SECISBP2: variants seen among roughly 807,000 people sequenced by gnomAD.
The protein encoded by SECISBP2 is selenocysteine insertion sequence-binding protein 2.
A neutral mutation model predicts 98.2 loss-of-function variants in SECISBP2; 96 were observed. That is an observed-to-expected ratio of 0.98 (90% CI 0.83 to 1.16). SECISBP2 has a LOEUF of 1.16. Among genes scored for constraint, SECISBP2 ranks in the 50% most tolerant of loss-of-function variants. The pLI is 0.00. For missense variants in SECISBP2, 1,046 were observed against 1,022.9 expected, an observed-to-expected ratio of 1.02 and a Z score of -0.31; for synonymous variants, 407 against 370.2, an observed-to-expected ratio of 1.10 and a Z score of -1.14.
chr9:89,354,957 C>G, intron 14 of SECISBP2: 1 of 985,432 alleles, frequency 1.0e-6, no homozygotes, highest in Non-Finnish European at 1.2e-6. Flanking sequence ...CCTATCTCCC[C>G]TTTTCCCAGC....
rs565127144 is a variant in SECISBP2, at chr9:89,320,229, A to C, written c.182+432A>C. Among the ~76,000 whole-genome samples, 10 of 151,976 alleles carry C rather than the reference A, an allele frequency of 6.6e-5. No individual in the cohort carries two copies. In the South Asian group the frequency reaches 2.1e-3, roughly 32 times the overall value. On this transcript the variant is annotated intron_variant, in intron 2 of 16. Transcript: ENST00000375807. ...AAATTAATCAGGTATGGTGGCGGACACCTGTAATCCCAGGTATTCGGGAGA... is the reference window on the plus strand; with the variant it reads ...AAATTAATCAGGTATGGTGGCGGACCCCTGTAATCCCAGGTATTCGGGAGA...
At chr9:89,358,288 G>A (rs1832410715) in intron 16 of SECISBP2, 97 bp downstream of exon 16, 6 of 1,251,430 alleles carry the variant, frequency 4.8e-6, no homozygotes, top group Non-Finnish European at 6.9e-6. Flanking sequence ...AATGCTGCAA[G>A]ACCAGCTGAG....
intron 1 of SECISBP2, 89 bp downstream of exon 1, chr9:89,318,701 C>T (rs1825132153): frequency 7.7e-7 from 1 of 1,305,280 alleles, no homozygotes; most frequent in Non-Finnish European, 9.9e-7. Context: ...GGGGCTGGTC[C>T]AGCGGGCGTG....
chr9:89,347,305 A>G (rs1445335585), intron 11 of SECISBP2, among the ~76,000 whole-genome samples: 1 of 152,008 alleles, frequency 6.6e-6, no homozygotes, highest in Admixed American at 6.6e-5. Flanking sequence ...TTTGCAATGG[A>G]TGGACAGAAA....
At position 89,359,056 on chromosome 9, in the gene SECISBP2, C is replaced by T; in HGVS notation, c.*232C>T. 1.8e-6 allele frequency: 1 copy of T among 545,538 alleles called. No individual in the cohort carries two copies. Among genetic ancestry groups the T allele is most frequent in the Non-Finnish European group, 3.3e-6 (1 of 305,174 alleles). The allele number at this position is 545,538 out of a possible 1,614,324, so 33.8% of individuals were successfully genotyped here. On this transcript the variant is annotated 3_prime_UTR_variant, in exon 17 of 17. Coordinates refer to ENST00000375807, the MANE Select transcript of SECISBP2 (RefSeq NM_024077.5). ...AATCTTCTCTAAAAGCCTGGTGATA[C>T]AGCTCTGGCTTTCTGAGCACACTAC...
chr9:89,348,886 G>C (rs985012729), intron 12 of SECISBP2, among the ~76,000 whole-genome samples: 1 of 152,244 alleles, frequency 6.6e-6, no homozygotes, highest in Non-Finnish European at 1.5e-5. Flanking sequence ...TGTAAAATTC[G>C]GTTGGACGAA....
At chr9:89,362,360 T>C (rs375037786), downstream of SECISBP2, 9 of 1,613,884 alleles carry the variant, frequency 5.6e-6, no homozygotes, top group African/African-American at 9.3e-5. Context: ...CAGCAGGGTC[T>C]TGTTGGGGTT....
intron 11 of SECISBP2, 72 bp downstream of exon 11, chr9:89,347,120 G>GCTC (rs772562322): frequency 3.3e-5 from 50 of 1,500,338 alleles, no homozygotes; most frequent in Non-Finnish European, 4.5e-5. Context: ...TATTCTCCCA[G>GCTC]CTCTTAGATT....
intron 4 of SECISBP2, 83 bp downstream of exon 4, chr9:89,326,121 T>A: frequency 6.6e-7 from 1 of 1,526,282 alleles, no homozygotes; most frequent in South Asian, 1.1e-5. Context: ...CAGCTGTTTC[T>A]ATGGGCTTGT....
intron 2 of SECISBP2, chr9:89,324,256 T>C (rs137969638): frequency 6.6e-6 from 1 of 152,356 alleles, no homozygotes; most frequent in East Asian, 1.9e-4. Flanking sequence ...CAGTGCTGTA[T>C]GTTTGGAGCA....
chr9:89,327,672 T>C (rs1331371474), intron 4 of SECISBP2, among the ~76,000 whole-genome samples: 1 of 152,224 alleles, frequency 6.6e-6, no homozygotes, highest in Non-Finnish European at 1.5e-5. Flanking sequence ...CTCCACATAT[T>C]GTCCCACTGG....
intron 6 of SECISBP2, chr9:89,334,093 C>T: frequency 2.7e-6 from 3 of 1,115,100 alleles, no homozygotes; most frequent in Non-Finnish European, 1.1e-6. Context: ...AATAAATTAC[C>T]AGTTATTGTG....
At chr9:89,345,796 C>T (rs1175651944) in intron 10 of SECISBP2, among the ~76,000 whole-genome samples, 1 of 152,088 alleles carries the variant, frequency 6.6e-6, no homozygotes, top group Admixed American at 6.5e-5. Context: ...ACAGGGTTTT[C>T]CACGAAGAGC....
chr9:89,358,222 C>T (rs766226241), intron 16 of SECISBP2, 31 bp downstream of exon 16: 19 of 1,591,312 alleles, frequency 1.2e-5, no homozygotes, highest in South Asian at 6.8e-5. Flanking sequence ...TGTGTCAGGT[C>T]GAGTGTCCTC....
At position 89,326,020 on chromosome 9, in the gene SECISBP2, G is replaced by T. The variant is rs1826632521; in HGVS notation, c.556G>T (p.Glu186Ter). 6.2e-7 allele frequency: 1 copy of T among 1,613,208 alleles called. No individual in the cohort carries two copies. Among genetic ancestry groups the T allele is most frequent in the Non-Finnish European group, 8.5e-7 (1 of 1,180,008 alleles). ...RGSHHLSIYA[E>*]NSLKSDGYHK... is the part of the protein sequence containing the mutation. ...TTCACATCATTTGTCCATTTACGCTGAGAATAGTTTGAAATCAGGTAAAAA... is the reference window on the plus strand; with the variant it reads ...TTCACATCATTTGTCCATTTACGCTTAGAATAGTTTGAAATCAGGTAAAAA... Residue 186 changes from glutamate (E) to a stop codon, truncating the protein, a stop_gained, in exon 4 of 17, where the codon GAG (glutamate) becomes TAG (stop). Transcript: ENST00000375807. LOFTEE classifies it high-confidence loss of function.
intron 6 of SECISBP2, 46 bp from the exon 7 acceptor site, chr9:89,334,476 A>G (rs368897268): frequency 2.3e-5 from 35 of 1,501,850 alleles, no homozygotes; most frequent in Middle Eastern, 1.7e-4. Context: ...AGGAATTTCT[A>G]TTTTACTGTT....
At chr9:89,320,484 A>G (rs1825582214) in intron 2 of SECISBP2, among the ~76,000 whole-genome samples, 1 of 151,836 alleles carries the variant, frequency 6.6e-6, no homozygotes, top group East Asian at 1.9e-4. Flanking sequence ...AAATAAACGT[A>G]CTCCTCCTTT....
intron 14 of SECISBP2, among the ~76,000 whole-genome samples, chr9:89,351,945 G>T (rs747908694): frequency 3.7e-4 from 57 of 152,178 alleles, no homozygotes; most frequent in Non-Finnish European, 7.6e-4. Context: ...GGGAGGGGCA[G>T]GCTTGGGCTC....
chr9:89,361,595 CTCATTCCA>C (rs1421740016), downstream of SECISBP2: 1 of 152,212 alleles, frequency 6.6e-6, no homozygotes, highest in Non-Finnish European at 1.5e-5. Context: ...ACTCATGAGA[CTCATTCCA>C]TCGTCAAGAA....
Sources: allele counts gnomAD v4.1 joint callset (sites outside exome capture counted in the v4.1 genomes callset), GRCh38; gene constraint gnomAD v4.1.1; transcripts MANE v1.5; gene names NCBI Gene and HGNC (gene_info 2026-07-23, HGNC 2026-07-21).